The following MAPK10 variants were observed in gnomAD, a reference collection of about 807,000 sequenced individuals.
MAPK10 encodes mitogen-activated protein kinase 10, also known as JNK3 alpha protein kinase.
A neutral mutation model predicts 59.3 loss-of-function variants in MAPK10; 25 were observed. The ratio of observed to expected loss-of-function variants is 0.42; its 90% confidence interval spans 0.31 to 0.59. MAPK10 has a LOEUF of 0.59. Ranked by LOEUF, MAPK10 falls within the 20% of genes least tolerant of loss-of-function variation. MAPK10 has a pLI of 0.15. For missense variants in MAPK10, 351 were observed against 568.9 expected (o/e 0.62, Z 3.90); for synonymous variants, 190 against 200.5 (o/e 0.95, Z 0.44).
chr4:86,525,612 C>T (rs931276160), intron 1 of MAPK10, among the ~76,000 whole-genome samples: 52 of 152,168 alleles, frequency 3.4e-4, no homozygotes, highest in Middle Eastern at 3.4e-3. Context: ...AGTTTCATAA[C>T]GGAGAAAAGT....
At chr4:86,100,195 C>A (rs199883024) in intron 8 of MAPK10, 2 of 152,100 alleles carry the variant, frequency 1.3e-5, no homozygotes, top group South Asian at 2.1e-4. Context: ...AATACATATA[C>A]AATCCTAATT....
chr4:86,505,134 C>A (rs1390323753), intron 1 of MAPK10, among the ~76,000 whole-genome samples: 3 of 152,144 alleles, frequency 2.0e-5, no homozygotes, highest in Non-Finnish European at 4.4e-5. Flanking sequence ...GAACTTTTCC[C>A]TGGCTAGCCA....
intron 2 of MAPK10, among the ~76,000 whole-genome samples, chr4:86,291,673 A>T (rs551445298): frequency 1.3e-5 from 2 of 152,298 alleles, no homozygotes; most frequent in South Asian, 4.1e-4. Context: ...TAGATAATTC[A>T]TTTCTAAGCA....
chr4:86,384,043 T>C (rs1195556106), intron 1 of MAPK10: 1 of 152,222 alleles, frequency 6.6e-6, no homozygotes, highest in Non-Finnish European at 1.5e-5. Context: ...TACTCAATAG[T>C]TTCTACAGAA....
chr4:86,141,933 G>A (rs2063731332), intron 4 of MAPK10, among the ~76,000 whole-genome samples: 1 of 152,172 alleles, frequency 6.6e-6, no homozygotes, highest in Admixed American at 6.5e-5. Context: ...GTCACAACAT[G>A]GCAGAGACCA....
At chr4:86,505,569 AGAGT>A (rs1232558619) in intron 1 of MAPK10, among the ~76,000 whole-genome samples, 1 of 152,144 alleles carries the variant, frequency 6.6e-6, no homozygotes, top group Admixed American at 6.6e-5. Flanking sequence ...CCTGGGCAAC[AGAGT>A]GAGACCCTGT....
chr4:86,363,125 C>T (rs1737277441), upstream of MAPK10, among the ~76,000 whole-genome samples: 1 of 151,956 alleles, frequency 6.6e-6, no homozygotes, highest in East Asian at 1.9e-4. Flanking sequence ...GATTCAAAAA[C>T]TGAAGATCAA....
chr4:86,194,230 T>C, intron 3 of MAPK10, 106 bp downstream of exon 3: 1 of 861,424 alleles, frequency 1.2e-6, no homozygotes, highest in South Asian at 1.5e-5. Context: ...CTACTGTTAA[T>C]ATGATATAAA....
chr4:86,380,586 G>A (rs1740550278), intron 1 of MAPK10, among the ~76,000 whole-genome samples: 1 of 152,038 alleles, frequency 6.6e-6, no homozygotes, highest in Non-Finnish European at 1.5e-5. Context: ...TAGCCTACTT[G>A]TTTTCAATGT....
At chr4:86,245,731 A>T (rs547716208) in intron 2 of MAPK10, among the ~76,000 whole-genome samples, 38 of 152,162 alleles carry the variant, frequency 2.5e-4, no homozygotes, top group Non-Finnish European at 4.9e-4. Context: ...TGGGCCAGTA[A>T]AAAAATATTT....
At chr4:86,225,098 G>A (rs989762737) in intron 2 of MAPK10, among the ~76,000 whole-genome samples, 5 of 152,058 alleles carry the variant, frequency 3.3e-5, no homozygotes, top group East Asian at 1.9e-4. Context: ...CAATATATTC[G>A]TTTTCTGTGC....
At chr4:86,508,808 AT>A (rs1755991593) in intron 1 of MAPK10, among the ~76,000 whole-genome samples, 2 of 152,132 alleles carry the variant, frequency 1.3e-5, no homozygotes, top group Non-Finnish European at 2.9e-5. Context: ...GATTTATAGA[AT>A]TTTCTTTGCT....
intron 1 of MAPK10, among the ~76,000 whole-genome samples, chr4:86,393,407 A>G (rs999005375): frequency 6.6e-5 from 10 of 152,078 alleles, no homozygotes; most frequent in African/African-American, 2.4e-4. Context: ...AAGAAACTTG[A>G]TTATACATTG....
intron 5 of MAPK10, among the ~76,000 whole-genome samples, chr4:86,103,695 T>C (rs76809939): frequency 3.3e-5 from 5 of 151,664 alleles, no homozygotes; most frequent in Non-Finnish European, 5.9e-5. Context: ...TACTTTATAT[T>C]TTTTTTTACT....
intron 2 of MAPK10, among the ~76,000 whole-genome samples, chr4:86,338,078 A>C (rs1722611393): frequency 6.6e-6 from 1 of 152,190 alleles, no homozygotes; most frequent in African/African-American, 2.4e-5. Flanking sequence ...TACAGAGCAC[A>C]TTCACAGTAG....
rs775599587 is a variant in MAPK10 at position 86,416,423 on chromosome 4, C to G, written c.-122+36607G>C. Among the ~76,000 whole-genome samples the G allele has an allele frequency of 2.6e-5, 4 of 152,244 alleles. No homozygotes were observed. In the East Asian group the frequency reaches 7.7e-4, roughly 29 times the overall value. Reference sequence around the variant, plus strand: ...GTTGTCAAAACTGAATGCATTAATGCGTCTAGGGCCTGGGATGAGGTAAAT... The same window carrying G: ...GTTGTCAAAACTGAATGCATTAATGGGTCTAGGGCCTGGGATGAGGTAAAT... On this transcript the variant is annotated intron_variant, in intron 1 of 13. Coordinates refer to the MAPK10 transcript ENST00000361569.
At chr4:86,495,294 T>C (rs998691326) in intron 1 of MAPK10, among the ~76,000 whole-genome samples, 1 of 152,206 alleles carries the variant, frequency 6.6e-6, no homozygotes, top group African/African-American at 2.4e-5. Flanking sequence ...TGGAGAATTT[T>C]AAACATACTC....
At chr4:86,375,460 C>T (rs1739631313) in intron 1 of MAPK10, among the ~76,000 whole-genome samples, 1 of 151,822 alleles carries the variant, frequency 6.6e-6, no homozygotes, top group Non-Finnish European at 1.5e-5. Context: ...GTGGCTCACA[C>T]CTGTAATCCC....
chr4:86,311,404 C>A (rs1266228576), intron 2 of MAPK10, among the ~76,000 whole-genome samples: 2 of 152,024 alleles, frequency 1.3e-5, no homozygotes, highest in Non-Finnish European at 2.9e-5. Flanking sequence ...TTATAGGATA[C>A]CTTTAGGATA....
Sources: gnomAD v4.1 joint callset for allele counts (sites outside exome capture counted in the v4.1 genomes callset) on GRCh38, gnomAD v4.1.1 for gene constraint, MANE v1.5 for transcripts, NCBI Gene and HGNC (gene_info 2026-07-23, HGNC 2026-07-21) for gene names.